ZSWIM5: variants seen among roughly 807,000 people sequenced by gnomAD.
The protein encoded by ZSWIM5 is zinc finger SWIM domain-containing protein 5.
ZSWIM5 carries 55 observed loss-of-function variants against 119.6 expected under a neutral mutation model. That is an observed-to-expected ratio of 0.46 (90% CI 0.37 to 0.58). ZSWIM5 has a LOEUF of 0.58. Among genes scored for constraint, ZSWIM5 ranks in the 20% least tolerant of loss-of-function variants. The pLI, the probability that ZSWIM5 is intolerant of heterozygous loss-of-function variation, is 0.00. For missense variants in ZSWIM5, 1,193 were observed against 1,512.8 expected (o/e 0.79, Z 3.51); for synonymous variants, 537 against 606.9 (o/e 0.88, Z 1.69).
At chr1:45,047,328 G>C (rs1645062167) in intron 5 of ZSWIM5, among the ~76,000 whole-genome samples, 1 of 152,086 alleles carries the variant, frequency 6.6e-6, no homozygotes, top group African/African-American at 2.4e-5. Context: ...CGGTACAAGA[G>C]CTGTTTCAGT....
At chr1:45,073,249 A>ATTTTTTTTTTTTTTTTTTTTTTTTTTTT (rs58448888) in intron 2 of ZSWIM5, among the ~76,000 whole-genome samples, 1 of 56,052 alleles carries the variant, frequency 1.8e-5, no homozygotes, top group South Asian at 8.0e-4. Flanking sequence ...TTGCTACTGA[A>ATTTTTTTTTTTTTTTTTTTTTTTTTTTT]TTTTTTTTTT....
At position 45,205,970 on chromosome 1, in the gene ZSWIM5, GC is replaced by G; in HGVS notation, c.380del (p.Gly127AlafsTer76). 7.2e-7 allele frequency: 1 copy of G among 1,380,354 alleles called. No homozygotes were observed. Among genetic ancestry groups the G allele is most frequent in the Non-Finnish European group, 9.4e-7 (1 of 1,065,284 alleles). 85.5% of individuals were successfully genotyped at this position (1,380,354 alleles called of 1,614,324 possible). A position where few individuals can be genotyped will look rare whatever the true frequency, so the allele number is the denominator to read the frequency against. The part of the protein sequence containing the change: ...YRGGPGAGAA[G>X]GAAGASPAEE... ...CGGCCGGCGAAGCCCCCGCGGCGCC[GC>G]CAGCAGCGCCGGCGCCGGGGCCGCC... On this transcript the variant is annotated frameshift_variant, in exon 1 of 14. Transcript: ENST00000359600. LOFTEE classifies it high-confidence loss of function.
chr1:45,163,710 G>A (rs1003136981), intron 1 of ZSWIM5, among the ~76,000 whole-genome samples: 1 of 152,174 alleles, frequency 6.6e-6, no homozygotes, highest in Non-Finnish European at 1.5e-5. Context: ...CAATCAACTG[G>A]AAGAAACGGT....
chr1:45,121,595 T>TC (rs1491572283), intron 1 of ZSWIM5, among the ~76,000 whole-genome samples: 5 of 146,892 alleles, frequency 3.4e-5, no homozygotes, highest in Non-Finnish European at 7.5e-5. Flanking sequence ...TCTTTTTTTT[T>TC]CTTCTTCTTT....
intron 1 of ZSWIM5, among the ~76,000 whole-genome samples, chr1:45,165,612 C>T (rs1645896698): frequency 6.6e-6 from 1 of 151,786 alleles, no homozygotes; most frequent in Admixed American, 6.6e-5. Flanking sequence ...CAAATAGATG[C>T]AATAAAAAAT....
chr1:45,094,094 TCGCCAGGCTGGA>T (rs917675686), intron 1 of ZSWIM5, among the ~76,000 whole-genome samples: 13 of 151,314 alleles, frequency 8.6e-5, no homozygotes, highest in Non-Finnish European at 1.5e-5. Flanking sequence ...TCTTACCCTG[TCGCCAGGCTGGA>T]GTGCAGTGGC....
At chr1:45,103,734 C>A (rs1645453761) in intron 1 of ZSWIM5, among the ~76,000 whole-genome samples, 1 of 152,176 alleles carries the variant, frequency 6.6e-6, no homozygotes, top group Non-Finnish European at 1.5e-5. Context: ...CTCATCTGTA[C>A]AAGAAAATGT....
intron 1 of ZSWIM5, among the ~76,000 whole-genome samples, chr1:45,168,499 T>A (rs1038197107): frequency 3.4e-4 from 52 of 150,926 alleles, no homozygotes; most frequent in African/African-American, 1.0e-3. Context: ...ATATATTTTT[T>A]TTAAAAAATA....
At position 45,116,095 on chromosome 1, in the gene ZSWIM5, T is replaced by C. The variant is rs938190583; in HGVS notation, c.596-27858A>G. The stretch of plus-strand genomic sequence containing the variant: ...TCGGCTGGGCATCAGAGGGAGACCA[T>C]GGAGAGAGGGACAGCGAGACAGAGA... On this transcript the variant is annotated intron_variant, in intron 1 of 13. Coordinates refer to ENST00000359600, the MANE Select transcript of ZSWIM5 (RefSeq NM_020883.2). Among the ~76,000 whole-genome samples the C allele has an allele frequency of 2.9e-5, 4 of 137,322 alleles. No individual in the cohort carries two copies. The South Asian group carries it at 6.8e-4, about 23-fold the overall frequency. The allele number at this position is 137,322 out of a possible 152,430, so 90.1% of individuals were successfully genotyped here.
intron 1 of ZSWIM5, among the ~76,000 whole-genome samples, chr1:45,104,281 CT>C (rs1482748948): frequency 6.6e-6 from 1 of 152,112 alleles, no homozygotes; most frequent in Non-Finnish European, 1.5e-5. Context: ...TCCAGAAAGC[CT>C]TTCTCAAAAG....
chr1:45,062,038 C>A (rs765869521), intron 2 of ZSWIM5, among the ~76,000 whole-genome samples: 4 of 152,022 alleles, frequency 2.6e-5, no homozygotes, highest in Non-Finnish European at 4.4e-5. Flanking sequence ...TGCAGTGAGC[C>A]GAGATCGTGC....
chr1:45,085,006 C>G (rs1434298459), intron 2 of ZSWIM5, among the ~76,000 whole-genome samples: 3 of 152,242 alleles, frequency 2.0e-5, no homozygotes, highest in Non-Finnish European at 2.9e-5. Flanking sequence ...TAGAGGTTCT[C>G]CATGAAGGCT....
chr1:45,043,415 C>G lies in ZSWIM5; in HGVS notation c.1433-20G>C. 6.2e-7 allele frequency: 1 copy of G among 1,612,750 alleles called. No individual in the cohort carries two copies. The highest frequency in any genetic ancestry group is 1.7e-4 in the Middle Eastern group (1 of 6,058). ...AGGAGTCTGGAGAAAGAAGAACATG[C>G]AGCAGTACAGTGACAGGCAATTTGA... On this transcript the variant is annotated intron_variant, in intron 5 of 13. Transcript: ENST00000359600.
chr1:45,173,586 G>T, intron 1 of ZSWIM5, among the ~76,000 whole-genome samples: 1 of 151,858 alleles, frequency 6.6e-6, no homozygotes, highest in East Asian at 1.9e-4. Context: ...ACAGGAGCCG[G>T]GCTCTAACCC....
intron 4 of ZSWIM5, among the ~76,000 whole-genome samples, chr1:45,055,756 A>G (rs1645117899): frequency 6.6e-6 from 1 of 152,244 alleles, no homozygotes; most frequent in Non-Finnish European, 1.5e-5. Context: ...AGAAGTCTGC[A>G]AAGGAGACTG....
intron 10 of ZSWIM5, among the ~76,000 whole-genome samples, chr1:45,035,040 G>A (rs1013555984): frequency 6.6e-6 from 1 of 152,014 alleles, no homozygotes; most frequent in Admixed American, 6.6e-5. Context: ...TACCTGCCTC[G>A]GCCTCCCAAA....
intron 1 of ZSWIM5, among the ~76,000 whole-genome samples, chr1:45,130,365 AACACACACACACAC>A (rs3051045): frequency 1.3e-5 from 2 of 149,658 alleles, no homozygotes; most frequent in African/African-American, 2.5e-5. Context: ...GAACACTTAA[AACACACACACACAC>A]ACACACACAC....
chr1:45,069,358 G>A (rs528608852), intron 2 of ZSWIM5, among the ~76,000 whole-genome samples: 39 of 151,904 alleles, frequency 2.6e-4, no homozygotes, highest in East Asian at 9.7e-4. Flanking sequence ...CCCGGGAGGC[G>A]GAGCTTGCAG....
chr1:45,045,097 G>A (rs998446900), intron 5 of ZSWIM5, among the ~76,000 whole-genome samples: 8 of 151,564 alleles, frequency 5.3e-5, no homozygotes, highest in Non-Finnish European at 1.2e-4. Flanking sequence ...CAGGAAAAGG[G>A]CTGCAGGGAA....
Sources: allele counts gnomAD v4.1 joint callset (sites outside exome capture counted in the v4.1 genomes callset), GRCh38; gene constraint gnomAD v4.1.1; transcripts MANE v1.5; gene names NCBI Gene and HGNC (gene_info 2026-07-23, HGNC 2026-07-21).